Variants in MTX2 observed in about 807,000 individuals in gnomAD.
MTX2 encodes metaxin-2.
MTX2 carries 35 observed loss-of-function variants against 42.3 expected under a neutral mutation model. The observed-to-expected ratio is 0.83, with a 90% CI of 0.63 to 1.10. MTX2 has a LOEUF of 1.10. Among genes scored for constraint, MTX2 ranks in the 50% least tolerant of loss-of-function variants. The pLI is 0.00. For missense variants in MTX2, 307 were observed against 304.1 expected (o/e 1.01, Z -0.07); for synonymous variants, 119 against 100.9 (o/e 1.18, Z -1.08).
At chr2:176,285,307 C>T (rs1264268025) in intron 1 of MTX2, among the ~76,000 whole-genome samples, 1 of 151,618 alleles carries the variant, frequency 6.6e-6, no homozygotes, top group Admixed American at 6.6e-5. Flanking sequence ...TGCAATAAGT[C>T]TTTTAAGATT....
intron 9 of MTX2, among the ~76,000 whole-genome samples, chr2:176,331,997 T>A (rs1684874093): frequency 6.6e-6 from 1 of 151,234 alleles, no homozygotes; most frequent in Non-Finnish European, 1.5e-5. Context: ...TGTGACTCAG[T>A]GGAAATATCA....
chr2:176,288,817 TAAAG>T (rs1389626234), intron 1 of MTX2, among the ~76,000 whole-genome samples: 9 of 152,002 alleles, frequency 5.9e-5, no homozygotes, highest in African/African-American at 9.6e-5. Context: ...AGGCAGAACT[TAAAG>T]AAACAAACAA....
chr2:176,276,673 G>C (rs1048361376), intron 1 of MTX2, among the ~76,000 whole-genome samples: 1 of 152,024 alleles, frequency 6.6e-6, no homozygotes, highest in Non-Finnish European at 1.5e-5. Context: ...TATTGCCCAA[G>C]AGCCTTTCAC....
chr2:176,300,101 A>G (rs1351725435), intron 3 of MTX2, among the ~76,000 whole-genome samples: 1 of 151,762 alleles, frequency 6.6e-6, no homozygotes, highest in East Asian at 1.9e-4. Context: ...CCGAATGTGT[A>G]TATATGCAGT....
intron 1 of MTX2, among the ~76,000 whole-genome samples, chr2:176,280,366 G>T (rs1693050048): frequency 6.6e-6 from 1 of 152,196 alleles, no homozygotes; most frequent in African/African-American, 2.4e-5. Flanking sequence ...GAATTCTGAG[G>T]CTTCAGATGA....
rs750682515 is a variant in MTX2, at chr2:176,294,278, C to CT, written c.41-2561dup. The stretch of plus-strand genomic sequence containing the variant: ...ATCCATGGGAGTGATGATGAATTAA[C>CT]TTTTTTTTTTTTTTTTTTTTTCCTA... On this transcript the variant is annotated intron_variant, in intron 1 of 9. Transcript: ENST00000249442. 7.5e-3 allele frequency among the ~76,000 whole-genome samples: 942 copies of CT among 125,286 alleles called. 10 individuals carry two copies. Among genetic ancestry groups the CT allele is most frequent in the African/African-American group, 0.017 (551 of 33,152 alleles). The allele number at this position is 125,286 out of a possible 152,430, so 82.2% of individuals were successfully genotyped here.
chr2:176,329,752 A>G (rs982512722), intron 8 of MTX2, among the ~76,000 whole-genome samples: 3 of 148,416 alleles, frequency 2.0e-5, no homozygotes, highest in African/African-American at 7.4e-5. Flanking sequence ...TATGCCTGCT[A>G]CTGTATAACC....
In MTX2 at chr2:176,289,940, A is replaced by G. The variant is rs541204375; in HGVS notation, c.41-6920A>G. On this transcript the variant is annotated intron_variant, in intron 1 of 9. Transcript: ENST00000249442. ...AAGTTTTTAATAACCTTGGGACCAC[A>G]AGGAATTTTTCACATTCTAGGAATT... 1.9e-3 allele frequency among the ~76,000 whole-genome samples: 291 copies of G among 152,240 alleles called. 1 individual carries two copies. Among genetic ancestry groups the G allele is most frequent in the African/African-American group, 6.8e-3 (281 of 41,562 alleles).
At chr2:176,316,296 G>A (rs1684436048) in intron 3 of MTX2, among the ~76,000 whole-genome samples, 1 of 152,192 alleles carries the variant, frequency 6.6e-6, no homozygotes, top group Non-Finnish European at 1.5e-5. Context: ...GTATAATTCA[G>A]TAGCCCTTAT....
chr2:176,308,541 C>T (rs552228460), intron 3 of MTX2, among the ~76,000 whole-genome samples: 20 of 152,134 alleles, frequency 1.3e-4, no homozygotes, highest in South Asian at 1.2e-3. Flanking sequence ...TTGGTTGGTA[C>T]GCTATTAATT....
intron 1 of MTX2, among the ~76,000 whole-genome samples, chr2:176,289,042 G>A (rs914550936): frequency 6.6e-6 from 1 of 151,848 alleles, no homozygotes; most frequent in African/African-American, 2.4e-5. Flanking sequence ...AGAGACTTAC[G>A]GGTATACTTA....
chr2:176,312,874 A>G (rs1187298949), intron 3 of MTX2, among the ~76,000 whole-genome samples: 1 of 151,268 alleles, frequency 6.6e-6, no homozygotes, highest in African/African-American at 2.4e-5. Flanking sequence ...AAAAAAAAAA[A>G]AAAAAAAAAA....
chr2:176,330,752 A>G, intron 9 of MTX2, 92 bp downstream of exon 9: 2 of 843,854 alleles, frequency 2.4e-6, no homozygotes, highest in Non-Finnish European at 3.7e-6. Context: ...TCAAGAAAAT[A>G]TTTAGCTATT....
chr2:176,333,828 G>A lies in MTX2; in HGVS notation c.620+3168G>A, dbSNP rs539270576. On this transcript the variant is annotated intron_variant, in intron 9 of 9. Coordinates refer to ENST00000249442, the MANE Select transcript of MTX2 (RefSeq NM_006554.5). ...TGCCTACAGTATTCTGTTTGGCAAT[G>A]TGCTGTATAGGTTTGTAGCCTATTA... 2.6e-5 allele frequency among the ~76,000 whole-genome samples: 4 copies of A among 151,788 alleles called. No individual in the cohort carries two copies. In the East Asian group the frequency reaches 5.8e-4, roughly 22 times the overall value.
At chr2:176,274,507 A>G (rs145648763) in intron 1 of MTX2, among the ~76,000 whole-genome samples, 111 of 152,282 alleles carry the variant, frequency 7.3e-4, no homozygotes, top group Admixed American at 1.8e-3. Flanking sequence ...AGTCAGTTCA[A>G]CCAGAGAAGC....
chr2:176,321,768 A>G (rs150143259), intron 3 of MTX2, among the ~76,000 whole-genome samples: 215 of 152,302 alleles, frequency 1.4e-3, no homozygotes, highest in African/African-American at 4.9e-3. Flanking sequence ...GAGCCCGGAA[A>G]ATAAGTTTTT....
At chr2:176,292,985 T>C (rs1200182230) in intron 1 of MTX2, among the ~76,000 whole-genome samples, 3 of 152,206 alleles carry the variant, frequency 2.0e-5, no homozygotes, top group Admixed American at 1.3e-4. Context: ...ATATTGTGTG[T>C]AACAGCATAC....
intron 1 of MTX2, among the ~76,000 whole-genome samples, chr2:176,283,804 ATGT>A (rs746250792): frequency 9.1e-4 from 139 of 152,166 alleles, no homozygotes; most frequent in Non-Finnish European, 1.3e-3. Flanking sequence ...GTGAAGGTTA[ATGT>A]TGTTGAGGTC....
intron 1 of MTX2, among the ~76,000 whole-genome samples, chr2:176,294,215 A>T (rs541417624): frequency 6.7e-6 from 1 of 149,452 alleles, no homozygotes; most frequent in South Asian, 2.1e-4. Context: ...CAAACTTTCT[A>T]TTACTTTCAT....
Sources: gnomAD v4.1 joint callset for allele counts (sites outside exome capture counted in the v4.1 genomes callset) on GRCh38, gnomAD v4.1.1 for gene constraint, MANE v1.5 for transcripts, NCBI Gene and HGNC (gene_info 2026-07-23, HGNC 2026-07-21) for gene names.